Variants in ANKS1B observed in about 807,000 individuals in gnomAD.
ANKS1B encodes the protein ankyrin repeat and sterile alpha motif domain containing 1B.
In ANKS1B, 36 loss-of-function variants were observed where a neutral mutation model predicts 148.3. That is an observed-to-expected ratio of 0.24 (90% CI 0.19 to 0.32). ANKS1B has a LOEUF of 0.32. Among genes scored for constraint, ANKS1B ranks in the 10% least tolerant of loss-of-function variants. The probability of loss-of-function intolerance (pLI) is 1.00; values close to 1 mark genes in which losing one functional copy is unlikely to be tolerated. For synonymous variants in ANKS1B, 542 were observed against 560.8 expected (o/e 0.97, Z 0.47); for missense variants, 1,157 against 1,542.6 (o/e 0.75, Z 4.19).
At chr12:99,001,235 T>C (rs553523744) in intron 17 of ANKS1B, among the ~76,000 whole-genome samples, 1 of 152,176 alleles carries the variant, frequency 6.6e-6, no homozygotes, top group South Asian at 2.1e-4. Context: ...TGGGCTCAAG[T>C]GATCTTCCCA....
At chr12:99,231,790 C>T (rs1377911770) in intron 14 of ANKS1B, among the ~76,000 whole-genome samples, 1 of 151,992 alleles carries the variant, frequency 6.6e-6, no homozygotes, top group African/African-American at 2.4e-5. Flanking sequence ...TTGGAAGCAA[C>T]CCAGACATCA....
intron 9 of ANKS1B, among the ~76,000 whole-genome samples, chr12:99,516,014 G>A (rs186270527): frequency 6.6e-6 from 1 of 152,104 alleles, no homozygotes; most frequent in East Asian, 1.9e-4. Flanking sequence ...TGGGTTATTC[G>A]ATTTTTTCCT....
In ANKS1B at chr12:99,785,258, C is replaced by CGT. The variant is rs34228059; in HGVS notation, c.670-3163_670-3162dup. Among the ~76,000 whole-genome samples, 672 of 137,398 alleles carry CGT rather than the reference C, an allele frequency of 4.9e-3. 5 individuals are homozygous for CGT. The highest frequency in any genetic ancestry group is 8.6e-3 in the African/African-American group (319 of 37,294). The allele number at this position is 137,398 out of a possible 152,430, so 90.1% of individuals were successfully genotyped here. A position where few individuals can be genotyped will look rare whatever the true frequency, so the allele number is the denominator to read the frequency against. On this transcript the variant is annotated intron_variant, in intron 4 of 26. Coordinates refer to ENST00000683438, the MANE Select transcript of ANKS1B (RefSeq NM_001352186.2). The stretch of plus-strand genomic sequence containing the variant: ...AAGAATCTAACAAGTATCAGTAGGT[C>CGT]GTGTGTGTGTGTGTGTGTGTGTGTC...
At chr12:98,840,543 G>T (rs568459096) in intron 17 of ANKS1B, among the ~76,000 whole-genome samples, 1 of 152,250 alleles carries the variant, frequency 6.6e-6, no homozygotes, top group African/African-American at 2.4e-5. Context: ...CATTAAATAG[G>T]AAATACTAAT....
At chr12:99,145,939 A>T (rs1419801596) in intron 15 of ANKS1B, among the ~76,000 whole-genome samples, 4 of 152,096 alleles carry the variant, frequency 2.6e-5, no homozygotes, top group Non-Finnish European at 4.4e-5. Context: ...GGGATAATTT[A>T]TATGGAACTA....
intron 1 of ANKS1B, among the ~76,000 whole-genome samples, chr12:99,934,680 TTTTG>T (rs1451478696): frequency 6.6e-6 from 1 of 152,140 alleles, no homozygotes; most frequent in Non-Finnish European, 1.5e-5. Context: ...GGTTTCCCAA[TTTTG>T]TTTATCTTTC....
At position 98,968,140 on chromosome 12, in the gene ANKS1B, G is replaced by A. The variant is rs139209071; in HGVS notation, c.2778+85017C>T. The stretch of plus-strand genomic sequence containing the variant: ...AACCTGACATAGGCCAACTAAATGA[G>A]TATCTCTGGGGCTGGGATCTGGCAG... On this transcript the variant is annotated intron_variant, in intron 17 of 26. Coordinates refer to ENST00000683438, the MANE Select transcript of ANKS1B (RefSeq NM_001352186.2). 8.5e-5 allele frequency among the ~76,000 whole-genome samples: 13 copies of A among 152,198 alleles called. No individual in the cohort carries two copies. In the East Asian group the frequency reaches 2.1e-3, roughly 25 times the overall value.
intron 9 of ANKS1B, among the ~76,000 whole-genome samples, chr12:99,599,443 G>A (rs1467829019): frequency 6.6e-6 from 1 of 152,030 alleles, no homozygotes; most frequent in Admixed American, 6.6e-5. Flanking sequence ...TATTCTGTAG[G>A]TGACAGGTAA....
chr12:98,861,828 C>T (rs1360286019), intron 17 of ANKS1B, among the ~76,000 whole-genome samples: 1 of 152,152 alleles, frequency 6.6e-6, no homozygotes, highest in East Asian at 1.9e-4. Flanking sequence ...GGGCTGAATC[C>T]TGGGGCTTCT....
intron 9 of ANKS1B, among the ~76,000 whole-genome samples, chr12:99,539,242 C>A (rs1187922932): frequency 6.6e-6 from 1 of 152,068 alleles, no homozygotes; most frequent in Non-Finnish European, 1.5e-5. Flanking sequence ...TATTTATACT[C>A]TTTTCACCAC....
intron 4 of ANKS1B, 51 bp from the exon 5 acceptor site, chr12:99,782,148 T>C (rs2064400657): frequency 1.4e-6 from 2 of 1,415,526 alleles, no homozygotes; most frequent in African/African-American, 2.9e-5. Flanking sequence ...TTTGGAATGC[T>C]TACAGGTTGA....
chr12:99,666,854 T>TGGGG (rs34364839), intron 8 of ANKS1B, among the ~76,000 whole-genome samples: 36 of 118,860 alleles, frequency 3.0e-4, no homozygotes, highest in Non-Finnish European at 5.5e-4. Flanking sequence ...ATAGTTACTA[T>TGGGG]GGGGTGTGTG....
At position 98,745,347 on chromosome 12, in the gene ANKS1B, T is replaced by A. The variant is rs2097856215; in HGVS notation, c.*392A>T. 2.0e-6 allele frequency: 2 copies of A among 987,810 alleles called. No homozygotes were observed. The highest frequency in any genetic ancestry group is 2.4e-6 in the Non-Finnish European group (2 of 832,422). The allele number at this position is 987,810 out of a possible 1,614,324, so 61.2% of individuals were successfully genotyped here. ...AAAACTGCTGACAGTGAAAGCATAC[T>A]TTTAGGCAGTATTAGAGATCCCCTT... On this transcript the variant is annotated 3_prime_UTR_variant, in exon 27 of 27. Coordinates refer to ENST00000683438, the MANE Select transcript of ANKS1B (RefSeq NM_001352186.2).
chr12:98,831,336 G>A (rs1457618252), intron 18 of ANKS1B: 4 of 152,186 alleles, frequency 2.6e-5, no homozygotes, highest in Non-Finnish European at 1.5e-5. Flanking sequence ...TTTTTGAAGT[G>A]AGTAAAGCTG....
At chr12:99,825,720 A>G (rs1603078942) in intron 1 of ANKS1B, among the ~76,000 whole-genome samples, 1 of 152,332 alleles carries the variant, frequency 6.6e-6, no homozygotes, top group East Asian at 1.9e-4. Flanking sequence ...TTCAGCTACT[A>G]TATTCCATAC....
At chr12:99,753,333 A>T (rs1016110288) in intron 8 of ANKS1B, among the ~76,000 whole-genome samples, 2 of 152,166 alleles carry the variant, frequency 1.3e-5, no homozygotes, top group Admixed American at 6.6e-5. Flanking sequence ...TTTTTAGACA[A>T]ATAACAAAGG....
At chr12:98,845,871 C>T (rs73380459) in intron 17 of ANKS1B, among the ~76,000 whole-genome samples, 300 of 151,456 alleles carry the variant, frequency 2.0e-3, no homozygotes, top group African/African-American at 7.2e-3. Flanking sequence ...ACAGAATGTA[C>T]AAAATTTTCA....
At chr12:99,953,895 G>A (rs1423990684) in intron 1 of ANKS1B, among the ~76,000 whole-genome samples, 2 of 152,160 alleles carry the variant, frequency 1.3e-5, no homozygotes, top group Non-Finnish European at 2.9e-5. Context: ...TATCTGCTGA[G>A]AGCAAGAATG....
intron 12 of ANKS1B, among the ~76,000 whole-genome samples, chr12:99,295,160 A>G (rs1240293190): frequency 6.6e-6 from 1 of 152,204 alleles, no homozygotes; most frequent in East Asian, 1.9e-4. Context: ...ACCATTTTCC[A>G]AAGTGATTAT....
Sources: gnomAD v4.1 joint callset for allele counts (sites outside exome capture counted in the v4.1 genomes callset) on GRCh38, gnomAD v4.1.1 for gene constraint, MANE v1.5 for transcripts, NCBI Gene and HGNC (gene_info 2026-07-23, HGNC 2026-07-21) for gene names.